Variants in NUDT19 observed in about 807,000 individuals in gnomAD.
NUDT19 encodes nudix hydrolase 19.
In NUDT19, 31 loss-of-function variants were observed where a neutral mutation model predicts 22.2. The ratio of observed to expected loss-of-function variants is 1.40; its 90% CI spans 1.05 to 1.89. The LOEUF (loss-of-function observed/expected upper bound fraction) is 1.89, where lower values mean the gene tolerates loss of function less well. Ranked by LOEUF, NUDT19 falls within the 40% of genes most tolerant of loss-of-function variation. The pLI is 0.00. For missense variants in NUDT19, 752 were observed against 514.2 expected (o/e 1.46, Z -4.47); for synonymous variants, 325 against 230.8 (o/e 1.41, Z -3.70).
intron 1 of NUDT19, among the ~76,000 whole-genome samples, chr19:32,708,426 CAAAA>C (rs564998068): frequency 1.1e-5 from 1 of 91,200 alleles, no homozygotes; most frequent in Admixed American, 1.2e-4. Context: ...GACTCCGTCT[CAAAA>C]AAAAAAAAAA....
chr19:32,703,142 T>C (rs1279367275), intron 1 of NUDT19, among the ~76,000 whole-genome samples: 3 of 151,318 alleles, frequency 2.0e-5, no homozygotes, highest in Non-Finnish European at 4.4e-5. Context: ...GCTGGGATTG[T>C]AGGCATACGC....
chr19:32,694,349 A>G (rs1245896552), intron 1 of NUDT19, among the ~76,000 whole-genome samples: 1 of 152,236 alleles, frequency 6.6e-6, no homozygotes, highest in Non-Finnish European at 1.5e-5. Context: ...CTCCTTTCTC[A>G]GCAGTGAGGA....
In NUDT19 at chr19:32,713,092, C is replaced by A. The variant is rs1419922137; in HGVS notation, c.*1135C>A. Reference sequence around the variant, plus strand: ...ATTAAGATACAATTCTTTTTAAAATCAAATGGTATTAGTTATTATGTTTCC... The same window carrying A: ...ATTAAGATACAATTCTTTTTAAAATAAAATGGTATTAGTTATTATGTTTCC... On this transcript the variant is annotated 3_prime_UTR_variant, in exon 3 of 3. Transcript: ENST00000397061. 2 of 152,144 alleles carry A rather than the reference C, an allele frequency of 1.3e-5. No homozygotes were observed. Among genetic ancestry groups the A allele is most frequent in the Non-Finnish European group, 1.5e-5 (1 of 68,026 alleles). 9.4% of individuals were successfully genotyped at this position (152,144 alleles called of 1,614,324 possible). A position where few individuals can be genotyped will look rare whatever the true frequency, so the allele number is the denominator to read the frequency against.
chr19:32,691,946 G>T lies in NUDT19; in HGVS notation c.-15G>T. ...CTCAGGCCGCGCCAGAATCGGATCC[G>T]GGAAGCTGCGCGCCATGAGCAGCTC... On this transcript the variant is annotated 5_prime_UTR_variant, in exon 1 of 3. Transcript: ENST00000397061. 8.2e-7 allele frequency: 1 copy of T among 1,215,572 alleles called. No individual in the cohort carries two copies. The highest frequency in any genetic ancestry group is 4.2e-5 in the South Asian group (1 of 24,054). The allele number at this position is 1,215,572 out of a possible 1,614,324, so 75.3% of individuals were successfully genotyped here. A position where few individuals can be genotyped will look rare whatever the true frequency, so the allele number is the denominator to read the frequency against.
In NUDT19 at chr19:32,692,135, G is replaced by C. The variant is rs1485865645; in HGVS notation, c.175G>C (p.Ala59Pro). Residue 59 changes from alanine to proline, a missense_variant, in exon 1 of 3, where the codon GCG becomes CCG. Coordinates refer to ENST00000397061, the MANE Select transcript of NUDT19 (RefSeq NM_001105570.2). Reference protein sequence around the residue: ...RSPHQGFMPGAHVFSGGVLDA... With the variant: ...RSPHQGFMPGPHVFSGGVLDA... ...CCCGCACCAAGGCTTCATGCCGGGCGCGCACGTCTTCTCCGGCGGAGTGCT... is the reference window on the plus strand; with the variant it reads ...CCCGCACCAAGGCTTCATGCCGGGCCCGCACGTCTTCTCCGGCGGAGTGCT... 6.7e-7 allele frequency: 1 copy of C among 1,481,866 alleles called. No homozygotes were observed. Among genetic ancestry groups the C allele is most frequent in the Non-Finnish European group, 8.9e-7 (1 of 1,125,398 alleles). The allele number at this position is 1,481,866 out of a possible 1,614,324, so 91.8% of individuals were successfully genotyped here.
chr19:32,692,545 C>T lies in NUDT19; in HGVS notation c.585C>T (p.His195=). The change falls in exon 1 of 3, where the codon CAC becomes CAT. Residue 195 remains histidine (H), a synonymous_variant. Transcript: ENST00000397061. ...LDCTPDIWAL[H]NWSAWLTPFL... ...GCACACCCGACATCTGGGCGCTGCA[C>T]AACTGGAGCGCCTGGCTCACCCCTT... 6.3e-7 allele frequency: 1 copy of T among 1,595,488 alleles called. No homozygotes were observed. Among genetic ancestry groups the T allele is most frequent in the Non-Finnish European group, 8.5e-7 (1 of 1,173,086 alleles).
chr19:32,704,804 C>T (rs1968370530), intron 1 of NUDT19, among the ~76,000 whole-genome samples: 1 of 151,812 alleles, frequency 6.6e-6, no homozygotes, highest in Non-Finnish European at 1.5e-5. Context: ...TGTCACATTC[C>T]TTAAAGAGTA....
chr19:32,711,200 A>C (rs1968443243), intron 2 of NUDT19, among the ~76,000 whole-genome samples: 1 of 152,124 alleles, frequency 6.6e-6, no homozygotes, highest in African/African-American at 2.4e-5. Context: ...GCAGTAGTTC[A>C]CGCCTGTAAT....
At chr19:32,708,514 C>T (rs562669601) in intron 1 of NUDT19, among the ~76,000 whole-genome samples, 1 of 152,140 alleles carries the variant, frequency 6.6e-6, no homozygotes, top group African/African-American at 2.4e-5. Context: ...AAAGAAGGCT[C>T]AGGAAGGAGA....
intron 1 of NUDT19, among the ~76,000 whole-genome samples, chr19:32,702,118 G>C (rs1412163296): frequency 1.3e-5 from 2 of 152,200 alleles, no homozygotes; most frequent in Admixed American, 1.3e-4. Flanking sequence ...GCTACTTACA[G>C]ACTCCCAGGA....
chr19:32,698,016 C>T (rs1251176352), intron 1 of NUDT19, among the ~76,000 whole-genome samples: 1 of 152,012 alleles, frequency 6.6e-6, no homozygotes, highest in Non-Finnish European at 1.5e-5. Flanking sequence ...GGGCAGCGGA[C>T]ATTAGAGGAG....
Position 32,713,686 on chromosome 19 carries a change from T to C in NUDT19, c.*1729T>C, listed in dbSNP as rs1226309754. ...GACACCAATTCCATGTCCAGATCTT[T>C]GACTGTATCATGCATTGTACAATTG... On this transcript the variant is annotated 3_prime_UTR_variant, in exon 3 of 3. Coordinates refer to ENST00000397061, the MANE Select transcript of NUDT19 (RefSeq NM_001105570.2). 1.3e-5 allele frequency: 2 copies of C among 152,220 alleles called. No homozygotes were observed. The highest frequency in any genetic ancestry group is 4.8e-5 in the African/African-American group (2 of 41,458). The allele number at this position is 152,220 out of a possible 1,614,324, so 9.4% of individuals were successfully genotyped here. A position where few individuals can be genotyped will look rare whatever the true frequency, so the allele number is the denominator to read the frequency against.
Position 32,692,406 on chromosome 19 carries a change from G to C in NUDT19, c.446G>C (p.Gly149Ala). 6.4e-7 allele frequency: 1 copy of C among 1,570,876 alleles called. No homozygotes were observed. Among genetic ancestry groups the C allele is most frequent in the Non-Finnish European group, 8.6e-7 (1 of 1,166,312 alleles). Residue 149 changes from glycine (G) to alanine (A), a missense_variant, in exon 1 of 3, where the codon GGC (glycine) becomes GCC (alanine). Coordinates refer to ENST00000397061, the MANE Select transcript of NUDT19 (RefSeq NM_001105570.2). ...LLLRPRTSPPGPAPGPGLALE... is the reference protein window; with the variant it reads ...LLLRPRTSPPAPAPGPGLALE... ...CTGCGGCCCAGGACTTCCCCACCAGGCCCAGCACCCGGGCCTGGCCTCGCC... is the reference window on the plus strand; with the variant it reads ...CTGCGGCCCAGGACTTCCCCACCAGCCCCAGCACCCGGGCCTGGCCTCGCC...
intron 1 of NUDT19, among the ~76,000 whole-genome samples, chr19:32,698,751 A>G (rs1016544371): frequency 1.8e-4 from 28 of 152,184 alleles, no homozygotes; most frequent in African/African-American, 6.8e-4. Flanking sequence ...ACATTCTCGA[A>G]AACCTGCGCC....
At chr19:32,702,666 A>G (rs1380609609) in intron 1 of NUDT19, among the ~76,000 whole-genome samples, 2 of 152,222 alleles carry the variant, frequency 1.3e-5, no homozygotes, top group Non-Finnish European at 2.9e-5. Context: ...CTTTTTATCC[A>G]ATATAAAAAC....
At chr19:32,703,033 C>G (rs1968351713) in intron 1 of NUDT19, among the ~76,000 whole-genome samples, 1 of 151,960 alleles carries the variant, frequency 6.6e-6, no homozygotes, top group African/African-American at 2.4e-5. Context: ...CAGTGTTTCA[C>G]TCTTGTTGCC....
rs1254399193 is a variant in NUDT19 at position 32,709,339 on chromosome 19, G to T, written c.869G>T (p.Arg290Met). 1.9e-6 allele frequency: 3 copies of T among 1,614,206 alleles called. No individual in the cohort carries two copies. Among genetic ancestry groups the T allele is most frequent in the Non-Finnish European group, 2.5e-6 (3 of 1,180,036 alleles). Residue 290 changes from arginine (R) to methionine (M), a missense_variant, in exon 2 of 3, where the codon AGG becomes ATG. Coordinates refer to ENST00000397061, the MANE Select transcript of NUDT19 (RefSeq NM_001105570.2). ...CLGRALEGLE[R>M]WLPIILLTAD... ...GGTCGTGCATTAGAAGGACTGGAAAGGTGGCTGCCGATCATCTTGTTAACT... is the reference window on the plus strand; with the variant it reads ...GGTCGTGCATTAGAAGGACTGGAAATGTGGCTGCCGATCATCTTGTTAACT...
intron 1 of NUDT19, among the ~76,000 whole-genome samples, chr19:32,702,693 G>T (rs1481789653): frequency 6.6e-6 from 1 of 152,146 alleles, no homozygotes; most frequent in Non-Finnish European, 1.5e-5. Context: ...TTTTTAGTTG[G>T]AGTGTTTATT....
At chr19:32,699,721 A>C (rs1968311065) in intron 1 of NUDT19, among the ~76,000 whole-genome samples, 1 of 152,212 alleles carries the variant, frequency 6.6e-6, no homozygotes, top group African/African-American at 2.4e-5. Flanking sequence ...CGTGGTCACC[A>C]AAATGTGTCC....
Sources: gnomAD v4.1 joint callset for allele counts (sites outside exome capture counted in the v4.1 genomes callset) on GRCh38, gnomAD v4.1.1 for gene constraint, MANE v1.5 for transcripts, NCBI Gene and HGNC (gene_info 2026-07-23, HGNC 2026-07-21) for gene names.